The following DEPTOR variants were observed in gnomAD, a reference collection of about 807,000 sequenced individuals.
The protein encoded by DEPTOR is DEP domain-containing mTOR-interacting protein.
In DEPTOR, 41 loss-of-function variants were observed where a neutral mutation model predicts 41.6. That is an observed-to-expected ratio of 0.98 (90% CI 0.77 to 1.28). The LOEUF is 1.28. DEPTOR is among the 50% of genes most tolerant of loss of function. The probability of loss-of-function intolerance (pLI) is 0.00; values close to 1 mark genes in which losing one functional copy is unlikely to be tolerated. For synonymous variants in DEPTOR, 195 were observed against 192.3 expected, an observed-to-expected ratio of 1.01 and a Z score of -0.12; for missense variants, 514 against 527.9, an observed-to-expected ratio of 0.97 and a Z score of 0.26.
chr8:119,904,163 G>T (rs563004297), intron 1 of DEPTOR, among the ~76,000 whole-genome samples: 1 of 151,820 alleles, frequency 6.6e-6, no homozygotes, highest in South Asian at 2.1e-4. Flanking sequence ...CGTCTCCCAG[G>T]TTGGAGTACA....
rs1378397888 is a variant in DEPTOR, at chr8:119,997,497, A to G, written c.605-4028A>G. Among the ~76,000 whole-genome samples, 4 of 152,166 alleles carry G rather than the reference A, an allele frequency of 2.6e-5. No individual in the cohort carries two copies. In the South Asian group the frequency reaches 6.2e-4, roughly 24 times the overall value. On this transcript the variant is annotated intron_variant, in intron 4 of 8. Coordinates refer to ENST00000286234, the MANE Select transcript of DEPTOR (RefSeq NM_022783.4). ...GCTATCCTCCCACCTTGGTCTCCCA[A>G]TGTGCTGGCATTACAGGTGTGAGCC...
chr8:120,018,402 A>G (rs1047304797), intron 8 of DEPTOR, among the ~76,000 whole-genome samples: 51 of 152,272 alleles, frequency 3.3e-4, no homozygotes, highest in African/African-American at 1.1e-3. Flanking sequence ...ACATGGCGAA[A>G]CCCCATCTCT....
At chr8:120,020,949 C>T (rs1172716132) in intron 8 of DEPTOR, among the ~76,000 whole-genome samples, 4 of 151,880 alleles carry the variant, frequency 2.6e-5, no homozygotes, top group South Asian at 2.1e-4. Context: ...ATCCCAACTA[C>T]TCGGGAGGCT....
chr8:119,959,254 C>T lies in DEPTOR; in HGVS notation c.426-5978C>T, dbSNP rs200681379. The stretch of plus-strand genomic sequence containing the variant: ...CTCGGCTCACTGCAAGCTCCGCCTC[C>T]CGGGCTCACGCCATTCTCCTGCCTC... On this transcript the variant is annotated intron_variant, in intron 3 of 8. Coordinates refer to ENST00000286234, the MANE Select transcript of DEPTOR (RefSeq NM_022783.4). Among the ~76,000 whole-genome samples, 233 of 150,702 alleles carry T rather than the reference C, an allele frequency of 1.5e-3. 1 individual carries two copies. The East Asian group carries it at 0.029, about 19-fold the overall frequency.
intron 4 of DEPTOR, among the ~76,000 whole-genome samples, chr8:119,973,844 A>G (rs1262015799): frequency 1.3e-5 from 2 of 152,148 alleles, no homozygotes; most frequent in Non-Finnish European, 2.9e-5. Flanking sequence ...TACATACATT[A>G]TCTTTTTAAT....
At chr8:119,951,569 A>G (rs1051913555) in intron 3 of DEPTOR, among the ~76,000 whole-genome samples, 3 of 152,352 alleles carry the variant, frequency 2.0e-5, no homozygotes, top group African/African-American at 7.2e-5. Context: ...TGTAAAACCA[A>G]CACTAAAAAG....
chr8:120,032,169 C>T (rs1812900434), intron 8 of DEPTOR, among the ~76,000 whole-genome samples: 1 of 150,592 alleles, frequency 6.6e-6, no homozygotes, highest in Non-Finnish European at 1.5e-5. Context: ...ACTTCAGTTA[C>T]TTATACTTTC....
chr8:119,995,698 T>C (rs1812249835), intron 4 of DEPTOR, among the ~76,000 whole-genome samples: 1 of 152,162 alleles, frequency 6.6e-6, no homozygotes, highest in African/African-American at 2.4e-5. Context: ...TGAAATGATG[T>C]CTCTTTTAGC....
chr8:120,014,982 T>A (rs1018947528), intron 8 of DEPTOR, among the ~76,000 whole-genome samples: 1 of 152,042 alleles, frequency 6.6e-6, no homozygotes, highest in African/African-American at 2.4e-5. Flanking sequence ...TTTTACATGA[T>A]CCTCTAGAAG....
At chr8:120,015,529 C>A (rs1338610482) in intron 8 of DEPTOR, among the ~76,000 whole-genome samples, 1 of 152,220 alleles carries the variant, frequency 6.6e-6, no homozygotes, top group Non-Finnish European at 1.5e-5. Flanking sequence ...CTTGCTATAT[C>A]CCAACAATGA....
At chr8:120,049,163 T>C (rs910428138) in intron 8 of DEPTOR, among the ~76,000 whole-genome samples, 1 of 152,294 alleles carries the variant, frequency 6.6e-6, no homozygotes, top group Non-Finnish European at 1.5e-5. Context: ...CAAGCATGCC[T>C]GTGAATTACT....
At chr8:119,986,289 G>A (rs555954261) in intron 4 of DEPTOR, among the ~76,000 whole-genome samples, 13 of 152,116 alleles carry the variant, frequency 8.5e-5, no homozygotes, top group East Asian at 3.9e-4. Flanking sequence ...ACTTATAAGC[G>A]TAGTTTGGCC....
intron 1 of DEPTOR, among the ~76,000 whole-genome samples, chr8:119,887,681 G>A (rs1827390637): frequency 6.6e-6 from 1 of 151,078 alleles, no homozygotes; most frequent in African/African-American, 2.4e-5. Flanking sequence ...TTCATTTTTA[G>A]TAGAGATGGG....
Position 119,932,253 on chromosome 8 carries a change from G to A in DEPTOR, c.425+2315G>A, listed in dbSNP as rs140613860. On this transcript the variant is annotated intron_variant, in intron 3 of 8. Transcript: ENST00000286234. ...TCTTGCCTTGGCCTCTCAAAGCACT[G>A]GGACTACAGCCATGAGCTACTGCAC... Among the ~76,000 whole-genome samples, 75 of 152,134 alleles carry A rather than the reference G, an allele frequency of 4.9e-4. No individual in the cohort carries two copies. In the East Asian group the frequency reaches 0.011, roughly 22 times the overall value.
intron 8 of DEPTOR, among the ~76,000 whole-genome samples, chr8:120,041,625 C>T (rs10955948): frequency 0.36 from 55,375 of 152,002 alleles, 10,440 homozygotes; most frequent in African/African-American, 0.4. Context: ...ACAACCTCTG[C>T]CTCTTGGGTT....
intron 1 of DEPTOR, among the ~76,000 whole-genome samples, chr8:119,918,581 C>T (rs1486772545): frequency 7.2e-5 from 11 of 152,274 alleles, no homozygotes; most frequent in Admixed American, 6.5e-4. Context: ...CTGCCTCAGC[C>T]TCCCGAGTAG....
At chr8:119,879,029 G>A (rs1228932198) in intron 1 of DEPTOR, among the ~76,000 whole-genome samples, 1 of 151,894 alleles carries the variant, frequency 6.6e-6, no homozygotes, top group Non-Finnish European at 1.5e-5. Flanking sequence ...AGAATTGCTT[G>A]AACCTGGGAG....
At chr8:120,036,714 C>T (rs527334298) in intron 8 of DEPTOR, among the ~76,000 whole-genome samples, 106 of 152,206 alleles carry the variant, frequency 7.0e-4, no homozygotes, top group Non-Finnish European at 8.2e-4. Flanking sequence ...GTAAGGAATT[C>T]CTAGATACAA....
At chr8:119,993,556 T>C (rs74992360) in intron 4 of DEPTOR, among the ~76,000 whole-genome samples, 1 of 152,202 alleles carries the variant, frequency 6.6e-6, no homozygotes, top group Non-Finnish European at 1.5e-5. Flanking sequence ...CACTGCCTCT[T>C]TGAATCTTTG....
Sources: allele counts gnomAD v4.1 joint callset (sites outside exome capture counted in the v4.1 genomes callset), GRCh38; gene constraint gnomAD v4.1.1; transcripts MANE v1.5; gene names NCBI Gene and HGNC (gene_info 2026-07-23, HGNC 2026-07-21).